SPAG16: variants seen among roughly 807,000 people sequenced by gnomAD.
SPAG16 encodes sperm-associated antigen 16 protein.
Under a neutral mutation model 80.4 loss-of-function variants are expected in SPAG16, and 86 were observed. The observed-to-expected ratio is 1.07, with a 90% CI of 0.90 to 1.28. SPAG16 has a LOEUF of 1.28. Among genes scored for constraint, SPAG16 ranks in the 50% most tolerant of loss-of-function variants. The pLI is 0.00. For synonymous variants in SPAG16, 294 were observed against 265.9 expected, an observed-to-expected ratio of 1.11 and a Z score of -1.03; for missense variants, 870 against 765.3, an observed-to-expected ratio of 1.14 and a Z score of -1.61.
At chr2:213,715,090 A>C (rs1295484724) in intron 10 of SPAG16, among the ~76,000 whole-genome samples, 1 of 152,156 alleles carries the variant, frequency 6.6e-6, no homozygotes, top group Non-Finnish European at 1.5e-5. Flanking sequence ...TTCTTTGTAG[A>C]GACTGGTTTG....
chr2:213,836,059 A>T (rs2074053416), intron 10 of SPAG16, among the ~76,000 whole-genome samples: 1 of 152,094 alleles, frequency 6.6e-6, no homozygotes, highest in South Asian at 2.1e-4. Context: ...TGATAACATT[A>T]TCTGTTACCT....
At chr2:213,462,617 C>T (rs953020214) in intron 9 of SPAG16, among the ~76,000 whole-genome samples, 1 of 152,146 alleles carries the variant, frequency 6.6e-6, no homozygotes, top group Admixed American at 6.5e-5. Context: ...CTCACGAGAT[C>T]TGATGGTTTA....
chr2:214,168,483 C>T (rs566310702), intron 15 of SPAG16, among the ~76,000 whole-genome samples: 1 of 152,134 alleles, frequency 6.6e-6, no homozygotes, highest in South Asian at 2.1e-4. Context: ...CTCTGTCTCA[C>T]ACATGACACG....
At chr2:214,079,786 A>G (rs541820890) in intron 13 of SPAG16, among the ~76,000 whole-genome samples, 1 of 152,312 alleles carries the variant, frequency 6.6e-6, no homozygotes, top group South Asian at 2.1e-4. Context: ...GACAAGAGAA[A>G]AGACACTGAC....
intron 15 of SPAG16, among the ~76,000 whole-genome samples, chr2:214,312,284 G>C (rs937726983): frequency 6.6e-6 from 1 of 152,130 alleles, no homozygotes; most frequent in Non-Finnish European, 1.5e-5. Flanking sequence ...TTTTAGAGCT[G>C]TATTATCTCT....
At chr2:213,358,004 C>T (rs2065761832) in intron 7 of SPAG16, among the ~76,000 whole-genome samples, 1 of 152,056 alleles carries the variant, frequency 6.6e-6, no homozygotes, top group African/African-American at 2.4e-5. Context: ...TTTATTTCTC[C>T]TTCACTTATG....
chr2:213,625,905 G>T (rs771433093), intron 10 of SPAG16, among the ~76,000 whole-genome samples: 1 of 151,930 alleles, frequency 6.6e-6, no homozygotes, highest in Non-Finnish European at 1.5e-5. Flanking sequence ...AGCCAGGCTG[G>T]TCTCAAACTC....
In SPAG16 at chr2:214,410,365, G is replaced by A; in HGVS notation, c.*50G>A. 2.0e-6 allele frequency: 3 copies of A among 1,516,598 alleles called. No homozygotes were observed. Among genetic ancestry groups the A allele is most frequent in the East Asian group, 2.3e-5 (1 of 43,718 alleles). The allele number at this position is 1,516,598 out of a possible 1,614,324, so 93.9% of individuals were successfully genotyped here. On this transcript the variant is annotated 3_prime_UTR_variant, in exon 16 of 16. Transcript: ENST00000331683. ...GGCATTCCCTTTAAGGCTTGAAAAT[G>A]CCTCCTGTAGTCCCAAACCAGCAAA...
intron 12 of SPAG16, among the ~76,000 whole-genome samples, chr2:213,949,179 T>TTTGTTTGTTTGTTTTTTTTTTTTTTG (rs1553677654): frequency 2.8e-5 from 1 of 36,244 alleles, no homozygotes; most frequent in Non-Finnish European, 5.5e-5. Flanking sequence ...GTTTTTTTTT[T>TTTGTTTGTTTGTTTTTTTTTTTTTTG]TTTTTTTTTT....
At chr2:213,861,823 C>G (rs1324440659) in intron 10 of SPAG16, among the ~76,000 whole-genome samples, 1 of 152,154 alleles carries the variant, frequency 6.6e-6, no homozygotes, top group African/African-American at 2.4e-5. Flanking sequence ...ATCTTACATA[C>G]TTCTTTCTCA....
chr2:213,791,371 T>C (rs1033107639), intron 10 of SPAG16, among the ~76,000 whole-genome samples: 3 of 152,136 alleles, frequency 2.0e-5, no homozygotes, highest in East Asian at 3.9e-4. Flanking sequence ...GGAAAGCAAA[T>C]AATGTCACTT....
At chr2:214,308,502 G>A (rs1040223377) in intron 15 of SPAG16, among the ~76,000 whole-genome samples, 1 of 152,098 alleles carries the variant, frequency 6.6e-6, no homozygotes, top group African/African-American at 2.4e-5. Flanking sequence ...GTACTTAAGT[G>A]TGTATTTGTA....
At chr2:213,894,763 G>C (rs1262408840) in intron 11 of SPAG16, among the ~76,000 whole-genome samples, 1 of 152,016 alleles carries the variant, frequency 6.6e-6, no homozygotes, top group African/African-American at 2.4e-5. Flanking sequence ...GGCTGAGGCA[G>C]GAAGATCACG....
At chr2:213,755,179 T>C (rs2068266899) in intron 10 of SPAG16, among the ~76,000 whole-genome samples, 1 of 152,200 alleles carries the variant, frequency 6.6e-6, no homozygotes, top group South Asian at 2.1e-4. Context: ...TTTATGTTGG[T>C]GTTATGAAGT....
intron 10 of SPAG16, among the ~76,000 whole-genome samples, chr2:213,691,870 T>C (rs745889499): frequency 3.3e-5 from 5 of 152,352 alleles, no homozygotes; most frequent in East Asian, 1.9e-4. Flanking sequence ...GGCTAATACA[T>C]AGTGGAATTT....
At chr2:213,997,439 T>A (rs2046576264) in intron 12 of SPAG16, among the ~76,000 whole-genome samples, 1 of 152,192 alleles carries the variant, frequency 6.6e-6, no homozygotes. Context: ...ATTTCTTATT[T>A]TATCATTTTG....
intron 10 of SPAG16, among the ~76,000 whole-genome samples, chr2:213,820,236 A>C (rs993558141): frequency 2.6e-5 from 4 of 152,016 alleles, no homozygotes; most frequent in African/African-American, 7.2e-5. Context: ...CACCACACCC[A>C]GCTAATTTTT....
chr2:213,644,805 A>G (rs78866165), intron 10 of SPAG16, among the ~76,000 whole-genome samples: 9,290 of 152,236 alleles, frequency 0.061, 929 homozygotes, highest in African/African-American at 0.21. Flanking sequence ...GGTCAGACCT[A>G]AAGACAGCAC....
At chr2:213,487,224 C>A (rs1371470918) in intron 9 of SPAG16, among the ~76,000 whole-genome samples, 4 of 151,986 alleles carry the variant, frequency 2.6e-5, no homozygotes, top group Non-Finnish European at 5.9e-5. Context: ...CTCAGTGATA[C>A]TGGTATTTTT....
Sources: allele counts gnomAD v4.1 joint callset (sites outside exome capture counted in the v4.1 genomes callset), GRCh38; gene constraint gnomAD v4.1.1; transcripts MANE v1.5; gene names NCBI Gene and HGNC (gene_info 2026-07-23, HGNC 2026-07-21).